The following CDH9 variants were observed in gnomAD, a reference collection of about 807,000 sequenced individuals.
The protein encoded by CDH9 is cadherin-9.
Under a neutral mutation model 70.9 loss-of-function variants are expected in CDH9, and 28 were observed. The observed-to-expected ratio is 0.40, with a 90% CI of 0.29 to 0.54. The LOEUF (loss-of-function observed/expected upper bound fraction) is 0.54. Among genes scored for constraint, CDH9 ranks in the 20% least tolerant of loss-of-function variants. The probability of loss-of-function intolerance (pLI) is 0.59; values close to 1 mark genes in which losing one functional copy is unlikely to be tolerated. For missense variants in CDH9, 874 were observed against 984.4 expected (o/e 0.89, Z 1.50); for synonymous variants, 409 against 343.1 (o/e 1.19, Z -2.12).
At chr5:26,982,314 A>AT (rs1333938681) in intron 2 of CDH9, among the ~76,000 whole-genome samples, 3 of 152,262 alleles carry the variant, frequency 2.0e-5, no homozygotes, top group Admixed American at 1.3e-4. Context: ...CACACTTAAT[A>AT]TTTTTTAAAT....
chr5:26,977,823 T>C (rs535294596), intron 2 of CDH9, among the ~76,000 whole-genome samples: 1 of 152,228 alleles, frequency 6.6e-6, no homozygotes, highest in African/African-American at 2.4e-5. Flanking sequence ...GCACTTCAGA[T>C]ACTGAGAAGA....
At chr5:27,004,129 A>T in intron 1 of CDH9, among the ~76,000 whole-genome samples, 1 of 139,708 alleles carries the variant, frequency 7.2e-6, no homozygotes, top group South Asian at 2.2e-4. Context: ...AAAAAAAAAA[A>T]AGAGGGCCTC....
At chr5:26,969,220 C>A (rs1467329829) in intron 2 of CDH9, among the ~76,000 whole-genome samples, 2 of 152,164 alleles carry the variant, frequency 1.3e-5, no homozygotes, top group Non-Finnish European at 2.9e-5. Flanking sequence ...TGTATTTTCA[C>A]ATATATCTAA....
At chr5:26,934,106 GAAGA>G (rs1459303194) in intron 2 of CDH9, among the ~76,000 whole-genome samples, 1 of 152,070 alleles carries the variant, frequency 6.6e-6, no homozygotes, top group Non-Finnish European at 1.5e-5. Context: ...GGCAAGAAAG[GAAGA>G]AAGAGAGAGG....
At chr5:26,994,143 T>C (rs1344591791) in intron 1 of CDH9, among the ~76,000 whole-genome samples, 1 of 152,172 alleles carries the variant, frequency 6.6e-6, no homozygotes, top group Non-Finnish European at 1.5e-5. Context: ...GGTTCATATG[T>C]AGACAAAAAT....
intron 2 of CDH9, among the ~76,000 whole-genome samples, chr5:26,930,115 T>G (rs1741416102): frequency 6.6e-6 from 1 of 152,110 alleles, no homozygotes; most frequent in Admixed American, 6.6e-5. Context: ...CCCATAAATA[T>G]ATCCACACAT....
At position 26,906,030 on chromosome 5, in the gene CDH9, C is replaced by G; in HGVS notation, c.740G>C (p.Gly247Ala). ...GTTCACTGTGGTGGTTCCAGAAAGG[C>G]CTCCCATCTGGCCACCCATGTCTTT... ...QAKDMGGQMGGLSGTTTVNIT... is the reference protein window; with the variant it reads ...QAKDMGGQMGALSGTTTVNIT... The change falls in exon 5 of 12, where the codon GGC (glycine) becomes GCC (alanine). Residue 247 changes from glycine (G) to alanine (A), a missense_variant. Coordinates refer to ENST00000231021, the MANE Select transcript of CDH9 (RefSeq NM_016279.4). The G allele has an allele frequency of 1.2e-6, 2 of 1,613,096 alleles. No homozygotes were observed. The highest frequency in any genetic ancestry group is 8.5e-7 in the Non-Finnish European group (1 of 1,179,084).
At chr5:26,926,926 C>CG (rs1741352268) in intron 2 of CDH9, among the ~76,000 whole-genome samples, 1 of 143,712 alleles carries the variant, frequency 7.0e-6, no homozygotes, top group African/African-American at 2.6e-5. Flanking sequence ...AGCCCCCCCC[C>CG]GCAAAAAAAA....
At chr5:27,000,382 T>A (rs1270260292) in intron 1 of CDH9, among the ~76,000 whole-genome samples, 4 of 152,280 alleles carry the variant, frequency 2.6e-5, no homozygotes, top group Admixed American at 2.6e-4. Flanking sequence ...GTCATAGATA[T>A]GGAGCAACAG....
At chr5:26,894,113 A>G (rs1202331954) in intron 7 of CDH9, among the ~76,000 whole-genome samples, 1 of 152,158 alleles carries the variant, frequency 6.6e-6, no homozygotes, top group Non-Finnish European at 1.5e-5. Flanking sequence ...CTGTGCATTG[A>G]ATGGAGCTCA....
chr5:27,001,082 A>G (rs1742759261), intron 1 of CDH9, among the ~76,000 whole-genome samples: 1 of 152,164 alleles, frequency 6.6e-6, no homozygotes, highest in Non-Finnish European at 1.5e-5. Context: ...CTTTATATAA[A>G]GGCTTATTAT....
chr5:26,925,013 C>T (rs545085600), intron 2 of CDH9, among the ~76,000 whole-genome samples: 89 of 152,102 alleles, frequency 5.9e-4, no homozygotes, highest in Non-Finnish European at 9.4e-4. Context: ...AATAAACATA[C>T]GTGTGCATGT....
At chr5:27,015,738 T>C (rs1367051709) in intron 1 of CDH9, among the ~76,000 whole-genome samples, 1 of 151,744 alleles carries the variant, frequency 6.6e-6, no homozygotes, top group African/African-American at 2.4e-5. Context: ...GCCAAACACT[T>C]CACACAAAAG....
chr5:27,006,419 TC>T (rs1742866244), intron 1 of CDH9, among the ~76,000 whole-genome samples: 1 of 152,018 alleles, frequency 6.6e-6, no homozygotes, highest in Admixed American at 6.6e-5. Context: ...AGGCAGGAGA[TC>T]AAGGGTAGGA....
At chr5:27,030,767 G>A (rs931262621) in intron 1 of CDH9, among the ~76,000 whole-genome samples, 1 of 149,922 alleles carries the variant, frequency 6.7e-6, no homozygotes, top group African/African-American at 2.5e-5. Flanking sequence ...GATGAGTGTG[G>A]ATATCTTTCC....
In CDH9 at chr5:26,881,553, A is replaced by G. The variant is rs375815814; in HGVS notation, c.1953T>C (p.Asp651=). 135 of 1,613,518 alleles carry G rather than the reference A, an allele frequency of 8.4e-5. No individual in the cohort carries two copies. Among genetic ancestry groups the G allele is most frequent in the Middle Eastern group, 8.2e-4 (5 of 6,082 alleles). Residue 651 remains aspartate, a synonymous_variant, in exon 12 of 12, where the codon GAT becomes GAC. Transcript: ENST00000231021. ...TGTAGGTCACAATGTTGTCCCGGAC[A>G]TCGTCTTTTGAAATTATCAGAGGTT... ...KKEPLIISKD[D]VRDNIVTYND...
chr5:27,035,760 C>T (rs944802782), intron 1 of CDH9, among the ~76,000 whole-genome samples: 1 of 150,302 alleles, frequency 6.7e-6, no homozygotes, highest in Non-Finnish European at 1.5e-5. Context: ...AAAAGTATTA[C>T]ATTGGACATT....
chr5:26,994,968 A>T (rs1157894105), intron 1 of CDH9, among the ~76,000 whole-genome samples: 1 of 152,150 alleles, frequency 6.6e-6, no homozygotes, highest in African/African-American at 2.4e-5. Flanking sequence ...AACCTTTTGA[A>T]AAATAGCTTA....
intron 1 of CDH9, among the ~76,000 whole-genome samples, chr5:26,993,077 G>T (rs1742607299): frequency 6.8e-6 from 1 of 147,414 alleles, no homozygotes; most frequent in African/African-American, 2.5e-5. Flanking sequence ...CTCTAACCTG[G>T]GCAACAAGGG....
Sources: gnomAD v4.1 joint callset for allele counts (sites outside exome capture counted in the v4.1 genomes callset) on GRCh38, gnomAD v4.1.1 for gene constraint, MANE v1.5 for transcripts, NCBI Gene and HGNC (gene_info 2026-07-23, HGNC 2026-07-21) for gene names.